The following PPP1R9A variants were observed in gnomAD, a reference collection of about 807,000 sequenced individuals.
The protein encoded by PPP1R9A is protein phosphatase 1 regulatory subunit 9A, also known as neurabin-1.
PPP1R9A carries 59 observed loss-of-function variants against 141.9 expected under a neutral mutation model. The observed-to-expected ratio is 0.42, with a 90% CI of 0.34 to 0.52. The LOEUF is 0.52. PPP1R9A is among the 20% of genes least tolerant of loss of function. The pLI is 0.10. For synonymous variants in PPP1R9A, 500 were observed against 569.7 expected, an observed-to-expected ratio of 0.88 and a Z score of 1.74; for missense variants, 1,444 against 1,611.9, an observed-to-expected ratio of 0.90 and a Z score of 1.78.
At chr7:95,037,867 G>A (rs375095057) in intron 2 of PPP1R9A, among the ~76,000 whole-genome samples, 32 of 152,142 alleles carry the variant, frequency 2.1e-4, no homozygotes, top group African/African-American at 7.2e-4. Context: ...CACTTTGGGA[G>A]GCCAAGGCAG....
At chr7:94,978,997 A>G (rs1799784205) in intron 2 of PPP1R9A, among the ~76,000 whole-genome samples, 2 of 152,172 alleles carry the variant, frequency 1.3e-5, no homozygotes, top group Admixed American at 1.3e-4. Flanking sequence ...GGGTTTTGCC[A>G]TGTTGGCCAG....
intron 4 of PPP1R9A, among the ~76,000 whole-genome samples, chr7:95,125,214 C>T (rs1295804426): frequency 6.6e-6 from 1 of 152,114 alleles, no homozygotes; most frequent in Non-Finnish European, 1.5e-5. Context: ...CTCTTGGGCT[C>T]AAGTGAACTC....
At chr7:95,166,677 C>A (rs1831316400) in intron 5 of PPP1R9A, among the ~76,000 whole-genome samples, 1 of 152,152 alleles carries the variant, frequency 6.6e-6, no homozygotes, top group African/African-American at 2.4e-5. Flanking sequence ...GCAAGCATTA[C>A]CCTGATACCA....
At chr7:95,074,938 G>A (rs747434276) in intron 2 of PPP1R9A, among the ~76,000 whole-genome samples, 2 of 152,034 alleles carry the variant, frequency 1.3e-5, no homozygotes, top group Non-Finnish European at 2.9e-5. Flanking sequence ...AAGATATATT[G>A]TAAGTGGAGT....
chr7:95,065,131 T>C (rs1812773895), intron 2 of PPP1R9A, among the ~76,000 whole-genome samples: 1 of 152,176 alleles, frequency 6.6e-6, no homozygotes, highest in African/African-American at 2.4e-5. Flanking sequence ...AGTGGCATGC[T>C]CATAGCTCAC....
rs922784364 is a variant in PPP1R9A at position 95,295,904 on chromosome 7, T to G, written c.*5601T>G. 9 of 152,662 alleles carry G rather than the reference T, an allele frequency of 5.9e-5. No individual in the cohort carries two copies. Among genetic ancestry groups the G allele is most frequent in the Non-Finnish European group, 1.3e-4 (9 of 68,044 alleles). The allele number at this position is 152,662 out of a possible 1,614,324, so 9.5% of individuals were successfully genotyped here. On this transcript the variant is annotated 3_prime_UTR_variant, in exon 20 of 20. Transcript: ENST00000433360. The stretch of plus-strand genomic sequence containing the variant: ...TTTAATATAACTACTGCTTTTATAT[T>G]TTTTAATGGTGTTGCAACCACTTGT...
chr7:95,014,189 C>G (rs1019472346), intron 2 of PPP1R9A, among the ~76,000 whole-genome samples: 3 of 151,908 alleles, frequency 2.0e-5, no homozygotes, highest in African/African-American at 7.2e-5. Context: ...ACCCGTTGGC[C>G]CAGTAATGTC....
chr7:95,248,607 G>A (rs868280677), intron 9 of PPP1R9A, among the ~76,000 whole-genome samples: 1 of 152,068 alleles, frequency 6.6e-6, no homozygotes, highest in Non-Finnish European at 1.5e-5. Context: ...AAGAATTGAA[G>A]ATTTTTTAAA....
chr7:94,911,363 C>A lies in PPP1R9A; in HGVS notation c.1250C>A (p.Thr417Lys). 6.2e-7 allele frequency: 1 copy of A among 1,614,116 alleles called. No individual in the cohort carries two copies. ...RSRYNSDWGE[T>K]GTEQDEEEDS... Reference sequence around the variant, plus strand: ...AGGTATAATTCAGACTGGGGAGAGACAGGCACTGAGCAGGATGAGGAGGAA... The same window carrying A: ...AGGTATAATTCAGACTGGGGAGAGAAAGGCACTGAGCAGGATGAGGAGGAA... The change falls in exon 2 of 20, where the codon ACA becomes AAA. Residue 417 changes from threonine (T) to lysine (K), a missense_variant. Transcript: ENST00000433360.
chr7:95,191,790 A>G (rs954939888), intron 5 of PPP1R9A, among the ~76,000 whole-genome samples: 4 of 152,054 alleles, frequency 2.6e-5, no homozygotes, highest in African/African-American at 9.7e-5. Flanking sequence ...TTACTATCAC[A>G]CATTATTTTT....
intron 5 of PPP1R9A, among the ~76,000 whole-genome samples, chr7:95,186,987 C>T (rs1282279881): frequency 6.6e-6 from 1 of 151,814 alleles, no homozygotes; most frequent in African/African-American, 2.4e-5. Flanking sequence ...TTGTTCTGTC[C>T]TTTCCTGGTT....
chr7:95,213,200 G>C (rs1384488296), intron 7 of PPP1R9A, among the ~76,000 whole-genome samples: 1 of 151,966 alleles, frequency 6.6e-6, no homozygotes, highest in Non-Finnish European at 1.5e-5. Context: ...GTATCATTGG[G>C]AGACAGTATG....
chr7:95,275,178 CG>C (rs1276709539), intron 16 of PPP1R9A, among the ~76,000 whole-genome samples: 1 of 152,066 alleles, frequency 6.6e-6, no homozygotes, highest in Non-Finnish European at 1.5e-5. Flanking sequence ...GAGGCCAAGG[CG>C]GGTGGATCAC....
intron 19 of PPP1R9A, 121 bp downstream of exon 19, chr7:95,288,839 C>T: frequency 1.6e-6 from 2 of 1,245,246 alleles, no homozygotes; most frequent in Non-Finnish European, 2.2e-6. Flanking sequence ...CATCAATATT[C>T]AGCAGAAAGG....
intron 2 of PPP1R9A, among the ~76,000 whole-genome samples, chr7:95,076,115 C>T (rs1814815931): frequency 6.6e-6 from 1 of 152,118 alleles, no homozygotes. Flanking sequence ...GTTGCCCAGT[C>T]TAGTCTCAAA....
chr7:95,002,960 G>T (rs909927236), intron 2 of PPP1R9A, among the ~76,000 whole-genome samples: 2 of 152,130 alleles, frequency 1.3e-5, no homozygotes, highest in Admixed American at 6.6e-5. Flanking sequence ...GTGAGTATGG[G>T]AATCTGATCC....
At chr7:94,942,624 G>A (rs1476404567) in intron 2 of PPP1R9A, among the ~76,000 whole-genome samples, 1 of 151,896 alleles carries the variant, frequency 6.6e-6, no homozygotes, top group Non-Finnish European at 1.5e-5. Flanking sequence ...CCAACATAAT[G>A]AAAACCTGTC....
chr7:94,976,770 C>T (rs1799497338), intron 2 of PPP1R9A, among the ~76,000 whole-genome samples: 1 of 152,102 alleles, frequency 6.6e-6, no homozygotes, highest in African/African-American at 2.4e-5. Flanking sequence ...AATCAAGGAT[C>T]TGGAATCTTT....
At chr7:95,033,363 T>C (rs1302337817) in intron 2 of PPP1R9A, among the ~76,000 whole-genome samples, 1 of 152,000 alleles carries the variant, frequency 6.6e-6, no homozygotes, top group East Asian at 1.9e-4. Flanking sequence ...TATTTTTCAT[T>C]CTAGTGAGCT....
Sources: allele counts gnomAD v4.1 joint callset (sites outside exome capture counted in the v4.1 genomes callset), GRCh38; gene constraint gnomAD v4.1.1; transcripts MANE v1.5; gene names NCBI Gene and HGNC (gene_info 2026-07-23, HGNC 2026-07-21).